Variants in RYR1 observed in about 807,000 individuals in gnomAD.
The protein encoded by RYR1 is central core disease of muscle.
RYR1 carries 342 observed loss-of-function variants against 583.5 expected under a neutral mutation model. The observed-to-expected ratio is 0.59, with a 90% CI of 0.54 to 0.64. The LOEUF (loss-of-function observed/expected upper bound fraction) is 0.64, where lower values mean the gene tolerates loss of function less well. Among genes scored for constraint, RYR1 ranks in the 30% least tolerant of loss-of-function variants. The probability of loss-of-function intolerance (pLI) is 0.00; values close to 1 mark genes in which losing one functional copy is unlikely to be tolerated. For synonymous variants in RYR1, 2,791 were observed against 2,822.5 expected, an observed-to-expected ratio of 0.99 and a Z score of 0.35; for missense variants, 6,032 against 6,917.2, an observed-to-expected ratio of 0.87 and a Z score of 4.54.
chr19:38,537,075 C>T (rs764690145), intron 83 of RYR1: 4 of 510,796 alleles, frequency 7.8e-6, no homozygotes, highest in East Asian at 3.4e-5. Flanking sequence ...TGGATATTGT[C>T]GGACTTCCAG....
chr19:38,476,481 G>A (rs1288337309), intron 29 of RYR1, among the ~76,000 whole-genome samples: 1 of 152,140 alleles, frequency 6.6e-6, no homozygotes, highest in Non-Finnish European at 1.5e-5. Context: ...ACAGGCATGA[G>A]CCACCGTGCC....
chr19:38,439,293 A>T (rs867201320), intron 1 of RYR1, among the ~76,000 whole-genome samples: 4 of 151,108 alleles, frequency 2.6e-5, no homozygotes, highest in African/African-American at 9.8e-5. Flanking sequence ...TCCACCTCCC[A>T]GGCTCAAGCC....
In RYR1 at chr19:38,505,405, AGGCCTTG is replaced by A; in HGVS notation, c.8400+10_8400+16del. The A allele has an allele frequency of 6.3e-7, 1 of 1,596,102 alleles. No individual in the cohort carries two copies. ...CAAGACCTTTTCAGAGAAGGTGACC[AGGCCTTG>A]GGGCCCAGCATTGAGGGTCAAAATG... On this transcript the variant is annotated splice_region_variant and intron_variant, in intron 53 of 105. Coordinates refer to ENST00000359596, the MANE Select transcript of RYR1 (RefSeq NM_000540.3).
chr19:38,558,130 G>A (rs1323381576), intron 89 of RYR1, among the ~76,000 whole-genome samples: 1 of 151,502 alleles, frequency 6.6e-6, no homozygotes, highest in Non-Finnish European at 1.5e-5. Flanking sequence ...AAAACATAAT[G>A]AGACCTTGTC....
chr19:38,478,038 C>CT (rs1968826750), intron 30 of RYR1, among the ~76,000 whole-genome samples, 168 bp downstream of exon 30: 1 of 152,046 alleles, frequency 6.6e-6, no homozygotes, highest in Admixed American at 6.6e-5. Context: ...CCCTCCTCCT[C>CT]TTTTTCCTCC....
At chr19:38,456,837 G>A (rs1337677865) in intron 16 of RYR1, among the ~76,000 whole-genome samples, 2 of 151,166 alleles carry the variant, frequency 1.3e-5, no homozygotes, top group African/African-American at 4.8e-5. Flanking sequence ...ACGAGGTCAG[G>A]AGATCGAGAC....
chr19:38,494,328 A>G (rs1481963857), intron 38 of RYR1, 24 bp from the exon 39 acceptor site: 1 of 1,610,944 alleles, frequency 6.2e-7, no homozygotes, highest in East Asian at 2.2e-5. Flanking sequence ...TGGTGCTCCA[A>G]GCCTTGCATT....
At chr19:38,522,940 C>A in intron 67 of RYR1, 88 bp from the exon 68 acceptor site, 1 of 1,032,426 alleles carries the variant, frequency 9.7e-7, no homozygotes, top group Non-Finnish European at 1.5e-6. Flanking sequence ...TCTCCTGGTC[C>A]CCATCTCCTC....
At chr19:38,452,697 C>G in intron 12 of RYR1, 122 bp from the exon 13 acceptor site, 3 of 853,454 alleles carry the variant, frequency 3.5e-6, no homozygotes, top group Non-Finnish European at 5.4e-6. Context: ...CTCTCTGCGT[C>G]TCGGTCTCCC....
At chr19:38,508,498 AC>A (rs1970582721) in intron 58 of RYR1, among the ~76,000 whole-genome samples, 1 of 152,248 alleles carries the variant, frequency 6.6e-6, no homozygotes, top group South Asian at 2.1e-4. Flanking sequence ...GGCGTGAGCC[AC>A]CGCACCCGGC....
intron 90 of RYR1, among the ~76,000 whole-genome samples, chr19:38,562,272 T>C (rs906650275): frequency 3.3e-5 from 5 of 152,020 alleles, no homozygotes; most frequent in African/African-American, 1.2e-4. Flanking sequence ...AGCCCACAAA[T>C]GCTTGAACAT....
At chr19:38,479,515 C>G (rs1410173652) in intron 31 of RYR1, among the ~76,000 whole-genome samples, 4 of 151,880 alleles carry the variant, frequency 2.6e-5, no homozygotes, top group African/African-American at 9.7e-5. Context: ...TCAAGCAATC[C>G]TTCTGTCTCA....
At chr19:38,494,903 A>G (rs563723627) in intron 39 of RYR1, among the ~76,000 whole-genome samples, 14 of 129,656 alleles carry the variant, frequency 1.1e-4, no homozygotes, top group African/African-American at 3.9e-4. Flanking sequence ...CCCAGGCTGG[A>G]GTGCAATGGC....
At chr19:38,442,956 G>A (rs552460612) in intron 3 of RYR1, among the ~76,000 whole-genome samples, 1 of 152,270 alleles carries the variant, frequency 6.6e-6, no homozygotes, top group South Asian at 2.1e-4. Flanking sequence ...TGATCACCTG[G>A]CCCCATCACA....
chr19:38,551,954 T>C (rs1174077180), intron 89 of RYR1, among the ~76,000 whole-genome samples: 3 of 152,088 alleles, frequency 2.0e-5, no homozygotes, highest in African/African-American at 7.2e-5. Flanking sequence ...TTTTGTTTTG[T>C]TTTGCTTCTT....
chr19:38,586,247 G>A, intron 104 of RYR1, 56 bp downstream of exon 104: 1 of 1,489,182 alleles, frequency 6.7e-7, no homozygotes, highest in Non-Finnish European at 9.3e-7. Context: ...CCAATAGCCA[G>A]CAGTGGGGTA....
Position 38,500,529 on chromosome 19 carries a change from A to G in RYR1, c.7324-77A>G. 6.3e-7 allele frequency: 1 copy of G among 1,598,282 alleles called. No homozygotes were observed. The highest frequency in any genetic ancestry group is 8.5e-7 in the Non-Finnish European group (1 of 1,169,628). On this transcript the variant is annotated intron_variant, in intron 45 of 105. Transcript: ENST00000359596. The surrounding 1 kb of genome is among the most constrained non-coding windows in gnomAD (Gnocchi z 5.9). Reference sequence around the variant, plus strand: ...GGCCTGCTCTACCCTCCTGTGTGGTAAGGGAGGGAGCAGAGCAGTCACTGA... The same window carrying G: ...GGCCTGCTCTACCCTCCTGTGTGGTGAGGGAGGGAGCAGAGCAGTCACTGA...
intron 38 of RYR1, 28 bp from the exon 39 acceptor site, chr19:38,494,324 T>C: frequency 6.2e-7 from 1 of 1,610,908 alleles, no homozygotes; most frequent in Non-Finnish European, 8.5e-7. Context: ...TGCATGGTGC[T>C]CCAAGCCTTG....
rs948252701 is a variant in RYR1, at chr19:38,467,763, A to T, written c.3332A>T (p.Asp1111Val). 3.1e-6 allele frequency: 5 copies of T among 1,614,016 alleles called. No individual in the cohort carries two copies. In the African/African-American group the frequency reaches 6.7e-5, roughly 22 times the overall value. Residue 1111 changes from aspartate to valine, a missense_variant, in exon 25 of 106, where the codon GAT (aspartate) becomes GTT (valine). Physicochemically the swap from Asp to Val is radical, Grantham distance 152. Transcript: ENST00000359596. ...TGGGCGAGGCCCGAGCTGAGGCCTG[A>T]TGTAGAGCTGGGAGCTGACGAGCTG... ...VGWARPELRP[D>V]VELGADELAY...
Sources: allele counts gnomAD v4.1 joint callset (sites outside exome capture counted in the v4.1 genomes callset), GRCh38; gene constraint gnomAD v4.1.1; non-coding constraint Gnocchi (gnomAD v3.1); transcripts MANE v1.5; gene names NCBI Gene and HGNC (gene_info 2026-07-23, HGNC 2026-07-21).